ZFP42: variants seen among roughly 807,000 people sequenced by gnomAD.
ZFP42 encodes the protein ZFP42 zinc finger protein, also known as zinc finger protein 42 homolog.
For synonymous variants in ZFP42, 175 were observed against 144.6 expected (o/e 1.21, Z -1.51); for missense variants, 438 against 377.1 (o/e 1.16, Z -1.34).
chr4:188,003,484 T>G lies in ZFP42; in HGVS notation c.677T>G (p.Phe226Cys). ...GTCTGTGCGGAATGTGGGAAAGCGT[T>G]CGTTGAGAGCTCAAAACTAAAGAGA... ...DHVCAECGKA[F>C]VESSKLKRHF... The change falls in exon 4 of 4, where the codon TTC becomes TGC. Residue 226 changes from phenylalanine (F) to cysteine (C), a missense_variant. Coordinates refer to ENST00000326866, the MANE Select transcript of ZFP42 (RefSeq NM_174900.5). 1 of 1,613,954 alleles carries G rather than the reference T, an allele frequency of 6.2e-7. No individual in the cohort carries two copies. Among genetic ancestry groups the G allele is most frequent in the Non-Finnish European group, 8.5e-7 (1 of 1,180,040 alleles).
chr4:187,997,242 T>TTTTTTTTTTTTTTTC (rs1733633845), intron 1 of ZFP42, among the ~76,000 whole-genome samples: 1 of 130,440 alleles, frequency 7.7e-6, no homozygotes, highest in Admixed American at 7.7e-5. Context: ...TTTTTTTTTT[T>TTTTTTTTTTTTTTTC]TTTTTTTTGA....
chr4:188,000,221 C>T (rs1733757790), intron 3 of ZFP42, among the ~76,000 whole-genome samples: 1 of 152,112 alleles, frequency 6.6e-6, no homozygotes, highest in African/African-American at 2.4e-5. Flanking sequence ...TTAAGCATTT[C>T]AGGTCCTAGA....
Position 188,003,537 on chromosome 4 carries a change from C to G in ZFP42, c.730C>G (p.Pro244Ala). 2 of 1,613,692 alleles carry G rather than the reference C, an allele frequency of 1.2e-6. No individual in the cohort carries two copies. Among genetic ancestry groups the G allele is most frequent in the Admixed American group, 1.7e-5 (1 of 60,012 alleles). ...RHFLVHTGEK[P>A]FRCTFEGCGK... ...TTTCCTGGTTCATACTGGAGAGAAG[C>G]CGTTTCGGTGCACTTTTGAAGGGTG... Residue 244 changes from proline (P) to alanine (A), a missense_variant, in exon 4 of 4, where the codon CCG becomes GCG. Physicochemically the swap from Pro to Ala is conservative, Grantham distance 27. Transcript: ENST00000326866.
rs1178775804 is a variant in ZFP42, at chr4:188,003,616, CG to C, written c.814del (p.Glu272ArgfsTer21). On this transcript the variant is annotated frameshift_variant, in exon 4 of 4. Coordinates refer to ENST00000326866, the MANE Select transcript of ZFP42 (RefSeq NM_174900.5). LOFTEE classifies it low-confidence loss of function (END_TRUNC). ...TTGCGTACGCACGTGCGCATCCACA[CG>C]GGGGAGAAACGTTTCGTGTGTCCCT... ...FNLRTHVRIH[T>X]GEKRFVCPFQ... 9.9e-6 allele frequency: 16 copies of C among 1,613,298 alleles called. No individual in the cohort carries two copies. Among genetic ancestry groups the C allele is most frequent in the Non-Finnish European group, 1.4e-5 (16 of 1,180,048 alleles).
rs189833741 is a variant in ZFP42 at position 188,004,158 on chromosome 4, T to C, written c.*418T>C. 4.7e-3 allele frequency: 813 copies of C among 174,326 alleles called. 2 individuals carry two copies. The highest frequency in any genetic ancestry group is 6.0e-3 in the Non-Finnish European group (432 of 72,356). The allele number at this position is 174,326 out of a possible 1,614,324, so 10.8% of individuals were successfully genotyped here. A position where few individuals can be genotyped will look rare whatever the true frequency, so the allele number is the denominator to read the frequency against. On this transcript the variant is annotated 3_prime_UTR_variant, in exon 4 of 4. Coordinates refer to ENST00000326866, the MANE Select transcript of ZFP42 (RefSeq NM_174900.5). ...TTTCTTAGCTTTTGCCTTTTAAATT[T>C]ATACTTCAGCCAGGCATAGTGACTG...
chr4:188,002,746 C>A lies in ZFP42; in HGVS notation c.-62C>A. 7.1e-7 allele frequency: 1 copy of A among 1,416,012 alleles called. No homozygotes were observed. Among genetic ancestry groups the A allele is most frequent in the Non-Finnish European group, 9.8e-7 (1 of 1,020,764 alleles). 87.7% of individuals were successfully genotyped at this position (1,416,012 alleles called of 1,614,324 possible). On this transcript the variant is annotated 5_prime_UTR_variant, in exon 4 of 4. It adds an upstream start codon to the 5' untranslated region. Transcript: ENST00000326866. Reference sequence around the variant, plus strand: ...TGAAGACAGCTTACTCAGATCACTACTGCCTGGAGGTGGTTGATATATCCT... The same window carrying A: ...TGAAGACAGCTTACTCAGATCACTAATGCCTGGAGGTGGTTGATATATCCT...
Position 188,003,728 on chromosome 4 carries a change from A to G in ZFP42, c.921A>G (p.Gln307=), listed in dbSNP as rs375120380. Residue 307 remains glutamine, a synonymous_variant, in exon 4 of 4, where the codon CAA becomes CAG. Transcript: ENST00000326866. ...ATGCAAATACGAACAAGAATGAACA[A>G]GAGGGAAAGTAGTCCTCCAACAGGA... The part of the protein sequence containing the change: ...LTHANTNKNE[Q]EGK The G allele has an allele frequency of 3.6e-5, 58 of 1,609,856 alleles. No individual in the cohort carries two copies. The highest frequency in any genetic ancestry group is 4.7e-5 in the Non-Finnish European group (55 of 1,176,564).
chr4:187,999,534 G>A (rs1232310494), intron 2 of ZFP42, 75 bp from the exon 3 acceptor site: 1 of 152,174 alleles, frequency 6.6e-6, no homozygotes, highest in Non-Finnish European at 1.5e-5. Context: ...TCCTAGTAAA[G>A]TAATTATATA....
rs71595201 is a variant in ZFP42, at chr4:187,997,228, CTTTTTT to C, written c.-339+1405_-339+1410del. Among the ~76,000 whole-genome samples the C allele has an allele frequency of 5.3e-4, 32 of 60,022 alleles. 1 individual carries two copies. The highest frequency in any genetic ancestry group is 1.9e-3 in the African/African-American group (24 of 12,744). The allele number at this position is 60,022 out of a possible 152,430, so 39.4% of individuals were successfully genotyped here. On this transcript the variant is annotated intron_variant, in intron 1 of 3. Transcript: ENST00000326866. Reference sequence around the variant, plus strand: ...CCTCGGTTACTTCCCCTCTCATATTCTTTTTTTTTTTTTTTTTTTTTTGAGACAGAG... The same window carrying C: ...CCTCGGTTACTTCCCCTCTCATATTCTTTTTTTTTTTTTTTTGAGACAGAG...
chr4:188,000,287 G>GCT (rs1560913351), intron 3 of ZFP42, among the ~76,000 whole-genome samples: 1 of 152,116 alleles, frequency 6.6e-6, no homozygotes, highest in Non-Finnish European at 1.5e-5. Context: ...GGGGAGAGCA[G>GCT]CTCTGTGTTT....
rs997832358 is a variant in ZFP42 at position 188,004,966 on chromosome 4, T to C, written c.*1226T>C. The C allele has an allele frequency of 3.6e-5, 6 of 167,140 alleles. No homozygotes were observed. Among genetic ancestry groups the C allele is most frequent in the African/African-American group, 1.4e-4 (6 of 41,468 alleles). The allele number at this position is 167,140 out of a possible 1,614,324, so 10.4% of individuals were successfully genotyped here. A position where few individuals can be genotyped will look rare whatever the true frequency, so the allele number is the denominator to read the frequency against. On this transcript the variant is annotated 3_prime_UTR_variant, in exon 4 of 4. Coordinates refer to ENST00000326866, the MANE Select transcript of ZFP42 (RefSeq NM_174900.5). Reference sequence around the variant, plus strand: ...TGTATCAAACTATATGGAAATCATATGGTTAGATGTGATTATTTGATAATG... The same window carrying C: ...TGTATCAAACTATATGGAAATCATACGGTTAGATGTGATTATTTGATAATG...
At chr4:188,001,559 C>G (rs1216395941) in intron 3 of ZFP42, among the ~76,000 whole-genome samples, 3 of 152,148 alleles carry the variant, frequency 2.0e-5, no homozygotes, top group African/African-American at 4.8e-5. Context: ...GGCCAGTCTC[C>G]CTGTTTTACT....
intron 3 of ZFP42, 147 bp from the exon 4 acceptor site, chr4:188,002,566 A>G (rs1004064412): frequency 1.6e-5 from 8 of 515,478 alleles, no homozygotes; most frequent in Non-Finnish European, 2.8e-5. Flanking sequence ...TTTATGACTC[A>G]TGTCTTACAC....
rs1020100299 is a variant in ZFP42 at position 188,003,058 on chromosome 4, C to A, written c.251C>A (p.Pro84His). Residue 84 changes from proline to histidine, a missense_variant, in exon 4 of 4, where the codon CCC becomes CAC. Transcript: ENST00000326866. ...ECVIRGEFSQ[P>H]ILEEDSLFES... ...GTCATAAGGGGTGAGTTTTCTCAAC[C>A]CATCCTGGAAGAGGACTCACTTTTT... 1.2e-6 allele frequency: 2 copies of A among 1,614,056 alleles called. No individual in the cohort carries two copies. Among genetic ancestry groups the A allele is most frequent in the Non-Finnish European group, 1.7e-6 (2 of 1,180,014 alleles).
intron 1 of ZFP42, among the ~76,000 whole-genome samples, chr4:187,998,146 G>A (rs1056507561): frequency 6.6e-6 from 1 of 152,162 alleles, no homozygotes; most frequent in African/African-American, 2.4e-5. Context: ...AGACCAGCCT[G>A]ACCAACGTGG....
chr4:187,997,035 GTGGAGCA>G (rs1286861135), intron 1 of ZFP42, among the ~76,000 whole-genome samples: 10 of 85,806 alleles, frequency 1.2e-4, no homozygotes, highest in African/African-American at 2.4e-4. Flanking sequence ...AGCATGGAGC[GTGGAGCA>G]TGGAGCATGG....
Position 188,003,789 on chromosome 4 carries a change from C to T in ZFP42, c.*49C>T, listed in dbSNP as rs371752046. 6.0e-6 allele frequency: 9 copies of T among 1,507,730 alleles called. No homozygotes were observed. The highest frequency in any genetic ancestry group is 1.4e-5 in the African/African-American group (1 of 71,892). The allele number at this position is 1,507,730 out of a possible 1,614,324, so 93.4% of individuals were successfully genotyped here. A position where few individuals can be genotyped will look rare whatever the true frequency, so the allele number is the denominator to read the frequency against. On this transcript the variant is annotated 3_prime_UTR_variant, in exon 4 of 4. Transcript: ENST00000326866. ...TAACAGAAGAGTGATCAGTGACAAA[C>T]ATGCCTCATTGATTATTGTTTCTAG...
Position 188,003,244 on chromosome 4 carries a change from A to G in ZFP42, c.437A>G (p.Tyr146Cys). The G allele has an allele frequency of 6.2e-7, 1 of 1,614,134 alleles. No individual in the cohort carries two copies. The highest frequency in any genetic ancestry group is 1.1e-5 in the South Asian group (1 of 91,082). The change falls in exon 4 of 4, where the codon TAC becomes TGC. Residue 146 changes from tyrosine to cysteine, a missense_variant. By Grantham distance (194) the Tyr-to-Cys change is radical. Transcript: ENST00000326866. ...GAGAATTCGCTTGAGTATTCTGAGT[A>G]CATGACAGGCAAGAAGCTTCCGCCT... The part of the protein sequence containing the change: ...VGENSLEYSE[Y>C]MTGKKLPPGG...
intron 3 of ZFP42, among the ~76,000 whole-genome samples, chr4:188,000,148 C>A (rs1189888329): frequency 1.3e-5 from 2 of 152,126 alleles, no homozygotes; most frequent in African/African-American, 2.4e-5. Context: ...AATTCAAAAT[C>A]CAAAATGGTC....
Sources: allele counts gnomAD v4.1 joint callset (sites outside exome capture counted in the v4.1 genomes callset), GRCh38; gene constraint gnomAD v4.1.1; transcripts MANE v1.5; gene names NCBI Gene and HGNC (gene_info 2026-07-23, HGNC 2026-07-21).